The following FGF14 variants were observed in gnomAD, a reference collection of about 807,000 sequenced individuals.
The protein encoded by FGF14 is fibroblast growth factor homologous factor 4.
A neutral mutation model predicts 25.5 loss-of-function variants in FGF14; 5 were observed. The observed-to-expected ratio is 0.20, with a 90% CI of 0.10 to 0.41. FGF14 has a LOEUF of 0.41. FGF14 is among the 10% of genes least tolerant of loss of function. FGF14 has a pLI of 1.00. For synonymous variants in FGF14, 138 were observed against 118.3 expected, an observed-to-expected ratio of 1.17 and a Z score of -1.08; for missense variants, 222 against 320.1, an observed-to-expected ratio of 0.69 and a Z score of 2.34.
chr13:102,181,344 A>C (rs2048666910), intron 1 of FGF14, among the ~76,000 whole-genome samples: 1 of 152,170 alleles, frequency 6.6e-6, no homozygotes, highest in Non-Finnish European at 1.5e-5. Context: ...GGCAGATGTG[A>C]TTAAGGTTAT....
chr13:102,045,792 G>C (rs2041954980), intron 1 of FGF14: 1 of 152,166 alleles, frequency 6.6e-6, no homozygotes, highest in Non-Finnish European at 1.5e-5. Context: ...AATTCAGCCT[G>C]AAAATCTTTG....
intron 1 of FGF14, among the ~76,000 whole-genome samples, chr13:101,976,285 GA>G (rs945497438): frequency 5.3e-5 from 8 of 152,146 alleles, no homozygotes; most frequent in African/African-American, 1.4e-4. Context: ...TTGTATTTCA[GA>G]AGGAATATAT....
Position 101,719,739 on chromosome 13 carries a change from G to A in FGF14, c.*3092C>T, listed in dbSNP as rs1318934525. On this transcript the variant is annotated 3_prime_UTR_variant, in exon 5 of 5. Transcript: ENST00000376143. Reference sequence around the variant, plus strand: ...GAGTATTATAGAGACTTGATACAATGGACATATGCACATGGAGGTACAAAA... The same window carrying A: ...GAGTATTATAGAGACTTGATACAATAGACATATGCACATGGAGGTACAAAA... 6 of 152,126 alleles carry A rather than the reference G, an allele frequency of 3.9e-5. No homozygotes were observed. The South Asian group carries it at 1.0e-3, about 26-fold the overall frequency. 9.4% of individuals were successfully genotyped at this position (152,126 alleles called of 1,614,324 possible).
At chr13:102,074,064 G>A (rs1036243403) in intron 1 of FGF14, among the ~76,000 whole-genome samples, 1 of 152,158 alleles carries the variant, frequency 6.6e-6, no homozygotes, top group Admixed American at 6.5e-5. Flanking sequence ...CTGGTGTGGA[G>A]TACAGTGGTG....
intron 1 of FGF14, among the ~76,000 whole-genome samples, chr13:102,178,009 C>A (rs565098): frequency 6.6e-6 from 1 of 151,968 alleles, no homozygotes; most frequent in African/African-American, 2.4e-5. Flanking sequence ...ACCACAGCAC[C>A]GCAGCAACTC....
At chr13:102,244,188 T>A (rs944741781) in intron 1 of FGF14, among the ~76,000 whole-genome samples, 4 of 152,094 alleles carry the variant, frequency 2.6e-5, no homozygotes, top group African/African-American at 4.8e-5. Flanking sequence ...TGAGACTGAA[T>A]CTTCTTGGAA....
intron 1 of FGF14, among the ~76,000 whole-genome samples, chr13:102,020,049 A>T (rs1193468471): frequency 2.0e-5 from 3 of 152,164 alleles, no homozygotes; most frequent in African/African-American, 7.2e-5. Context: ...TACACTCATT[A>T]ATTTATATAA....
At chr13:101,747,764 C>T (rs1443989926) in intron 3 of FGF14, among the ~76,000 whole-genome samples, 1 of 151,904 alleles carries the variant, frequency 6.6e-6, no homozygotes, top group Non-Finnish European at 1.5e-5. Context: ...ACAAGGAATT[C>T]AGACAACAAC....
intron 1 of FGF14, among the ~76,000 whole-genome samples, chr13:102,374,930 A>C (rs2058002940): frequency 6.6e-6 from 1 of 151,898 alleles, no homozygotes; most frequent in Non-Finnish European, 1.5e-5. Flanking sequence ...TGATTCTGCA[A>C]GATAAAGAAT....
At chr13:102,272,080 G>A (rs1225339299) in intron 1 of FGF14, among the ~76,000 whole-genome samples, 1 of 152,066 alleles carries the variant, frequency 6.6e-6, no homozygotes, top group Non-Finnish European at 1.5e-5. Context: ...AACCCTGGCC[G>A]AATTTTTTGA....
chr13:101,857,410 CTCTT>C (rs2044181650), intron 3 of FGF14, among the ~76,000 whole-genome samples: 1 of 152,004 alleles, frequency 6.6e-6, no homozygotes, highest in Admixed American at 6.6e-5. Context: ...TGACTCATCT[CTCTT>C]TATTTAATAT....
intron 1 of FGF14, among the ~76,000 whole-genome samples, chr13:102,118,151 G>A (rs932249366): frequency 6.6e-6 from 1 of 151,948 alleles, no homozygotes; most frequent in Non-Finnish European, 1.5e-5. Context: ...AGTTTTGTTA[G>A]TACTAATGTT....
chr13:102,063,101 C>CA (rs1472429828), intron 1 of FGF14, among the ~76,000 whole-genome samples: 3 of 152,036 alleles, frequency 2.0e-5, no homozygotes, highest in Non-Finnish European at 2.9e-5. Context: ...ATCAGTGCTT[C>CA]CAAACCTTCC....
chr13:101,863,891 G>C (rs2044557934), intron 3 of FGF14, among the ~76,000 whole-genome samples: 1 of 152,080 alleles, frequency 6.6e-6, no homozygotes, highest in Non-Finnish European at 1.5e-5. Flanking sequence ...GGTGCTCTTG[G>C]AAAGCTAAGG....
In FGF14 at chr13:101,714,597, T is replaced by C. The variant is rs761192922; in HGVS notation, c.*8234A>G. ...AATTGCTCTATGCCACAGTTTGTTA[T>C]AGAGCCAAGAGACACTCGTCATGCA... On this transcript the variant is annotated 3_prime_UTR_variant, in exon 5 of 5. Coordinates refer to ENST00000376143, the MANE Select transcript of FGF14 (RefSeq NM_004115.4). 7 of 1,142,838 alleles carry C rather than the reference T, an allele frequency of 6.1e-6. No individual in the cohort carries two copies. The highest frequency in any genetic ancestry group is 9.3e-6 in the Non-Finnish European group (7 of 750,716). The allele number at this position is 1,142,838 out of a possible 1,614,324, so 70.8% of individuals were successfully genotyped here. A position where few individuals can be genotyped will look rare whatever the true frequency, so the allele number is the denominator to read the frequency against.
At chr13:102,097,938 C>A (rs555953716) in intron 1 of FGF14, among the ~76,000 whole-genome samples, 1 of 152,328 alleles carries the variant, frequency 6.6e-6, no homozygotes, top group Admixed American at 6.5e-5. Context: ...CAGCAGTCAA[C>A]CCGAGAAAAA....
At chr13:101,872,450 C>T (rs369080722) in intron 2 of FGF14, among the ~76,000 whole-genome samples, 1 of 151,716 alleles carries the variant, frequency 6.6e-6, no homozygotes, top group African/African-American at 2.4e-5. Context: ...CTAAGTAGGA[C>T]CTGACAGCCT....
chr13:102,010,960 CAG>C (rs2040047845), intron 1 of FGF14, among the ~76,000 whole-genome samples: 1 of 152,080 alleles, frequency 6.6e-6, no homozygotes, highest in Non-Finnish European at 1.5e-5. Context: ...CTACATAAAT[CAG>C]AATATGCTAA....
chr13:102,127,911 C>G (rs1002137425), intron 1 of FGF14, among the ~76,000 whole-genome samples: 3 of 152,206 alleles, frequency 2.0e-5, no homozygotes, highest in Non-Finnish European at 2.9e-5. Context: ...TAAATGACAG[C>G]ACAAGTGAGC....
Sources: gnomAD v4.1 joint callset for allele counts (sites outside exome capture counted in the v4.1 genomes callset) on GRCh38, gnomAD v4.1.1 for gene constraint, MANE v1.5 for transcripts, NCBI Gene and HGNC (gene_info 2026-07-23, HGNC 2026-07-21) for gene names.